Variants in ALK observed in about 807,000 individuals in gnomAD.
ALK encodes the protein ALK receptor tyrosine kinase.
In ALK, 74 loss-of-function variants were observed where a neutral mutation model predicts 163.1. That is an observed-to-expected ratio of 0.45 (90% CI 0.38 to 0.55). The LOEUF (loss-of-function observed/expected upper bound fraction) is 0.55, where lower values mean the gene tolerates loss of function less well. Ranked by LOEUF, ALK falls within the 20% of genes least tolerant of loss-of-function variation. The probability of loss-of-function intolerance (pLI) is 0.00; values close to 1 mark genes in which losing one functional copy is unlikely to be tolerated. For synonymous variants in ALK, 960 were observed against 843.2 expected (o/e 1.14, Z -2.40); for missense variants, 2,063 against 2,105.3 (o/e 0.98, Z 0.39).
intron 5 of ALK, among the ~76,000 whole-genome samples, chr2:29,340,626 T>C (rs146056815): frequency 2.6e-5 from 4 of 152,368 alleles, no homozygotes; most frequent in African/African-American, 9.6e-5. Context: ...GTGCTTACAA[T>C]GTTCTAGGTC....
At chr2:29,736,172 G>T (rs1019650173) in intron 1 of ALK, among the ~76,000 whole-genome samples, 1 of 151,870 alleles carries the variant, frequency 6.6e-6, no homozygotes, top group Non-Finnish European at 1.5e-5. Flanking sequence ...GTTTTCAAAG[G>T]GTTTTTGATA....
At chr2:29,389,923 C>T (rs1669122098) in intron 4 of ALK, among the ~76,000 whole-genome samples, 1 of 152,148 alleles carries the variant, frequency 6.6e-6, no homozygotes, top group Admixed American at 6.5e-5. Context: ...GAGTTCTCAA[C>T]TATGACAGTT....
At chr2:29,450,707 T>C (rs1670798469) in intron 4 of ALK, among the ~76,000 whole-genome samples, 2 of 152,142 alleles carry the variant, frequency 1.3e-5, no homozygotes, top group Admixed American at 1.3e-4. Flanking sequence ...AAAGGCATAA[T>C]GAGAGAGGAA....
chr2:29,371,720 C>G (rs969276471), intron 5 of ALK, among the ~76,000 whole-genome samples: 1 of 152,078 alleles, frequency 6.6e-6, no homozygotes, highest in African/African-American at 2.4e-5. Context: ...GAGATTGGAC[C>G]CCCTGCTAGT....
intron 1 of ALK, among the ~76,000 whole-genome samples, chr2:29,803,836 C>T (rs1664544207): frequency 6.6e-6 from 1 of 152,192 alleles, no homozygotes; most frequent in Non-Finnish European, 1.5e-5. Context: ...ATAAAAGACG[C>T]TGTTCTCCAT....
At chr2:29,439,217 A>T (rs1403888174) in intron 4 of ALK, among the ~76,000 whole-genome samples, 1 of 152,200 alleles carries the variant, frequency 6.6e-6, no homozygotes, top group Non-Finnish European at 1.5e-5. Flanking sequence ...CTGAAACAAC[A>T]TGTAGCTGCT....
intron 4 of ALK, among the ~76,000 whole-genome samples, chr2:29,472,059 A>G (rs970025948): frequency 6.6e-6 from 1 of 152,166 alleles, no homozygotes; most frequent in South Asian, 2.1e-4. Context: ...GATGACTTTC[A>G]AGGCAAGATC....
chr2:29,882,351 A>G (rs991234246), intron 1 of ALK, among the ~76,000 whole-genome samples: 7 of 152,248 alleles, frequency 4.6e-5, no homozygotes, highest in Non-Finnish European at 7.3e-5. Flanking sequence ...TAATGTCTCA[A>G]TATAAACCAT....
chr2:29,829,160 T>C (rs1331728190), intron 1 of ALK, among the ~76,000 whole-genome samples: 13 of 94,906 alleles, frequency 1.4e-4, no homozygotes, highest in African/African-American at 5.5e-4. Flanking sequence ...CACCAGGGCC[T>C]GTTGAGGGGT....
intron 12 of ALK, among the ~76,000 whole-genome samples, chr2:29,244,316 C>T (rs1057513330): frequency 1.3e-5 from 2 of 152,218 alleles, no homozygotes; most frequent in East Asian, 1.9e-4. Context: ...GTCTGTCCTA[C>T]CCACCCTGCA....
chr2:29,807,948 T>C (rs1664661766), intron 1 of ALK, among the ~76,000 whole-genome samples: 1 of 152,220 alleles, frequency 6.6e-6, no homozygotes, highest in South Asian at 2.1e-4. Context: ...TAGGTGCTGC[T>C]TCTCTGACAC....
chr2:29,611,375 C>G (rs891747968), intron 3 of ALK, among the ~76,000 whole-genome samples: 1 of 152,208 alleles, frequency 6.6e-6, no homozygotes, highest in Non-Finnish European at 1.5e-5. Flanking sequence ...CAAACATTTA[C>G]TATCTACTAT....
intron 3 of ALK, among the ~76,000 whole-genome samples, chr2:29,609,873 C>T (rs1478651582): frequency 1.3e-5 from 2 of 152,086 alleles, no homozygotes; most frequent in South Asian, 4.1e-4. Context: ...AACTCCTGGC[C>T]TCAAGTGACC....
In ALK at chr2:29,789,015, C is replaced by G. The variant is rs537960349; in HGVS notation, c.668-71318G>C. Among the ~76,000 whole-genome samples the G allele has an allele frequency of 1.2e-3, 154 of 125,488 alleles. 1 individual carries two copies. The highest frequency in any genetic ancestry group is 4.5e-3 in the Middle Eastern group (1 of 220). 82.3% of individuals were successfully genotyped at this position (125,488 alleles called of 152,430 possible). A position where few individuals can be genotyped will look rare whatever the true frequency, so the allele number is the denominator to read the frequency against. On this transcript the variant is annotated intron_variant, in intron 1 of 28. Coordinates refer to ENST00000389048, the MANE Select transcript of ALK (RefSeq NM_004304.5). Reference sequence around the variant, plus strand: ...TAAAAACATGCTCCATCCTGGTACACTGTGTGTGTGTGTGTGTGTGTGTGT... The same window carrying G: ...TAAAAACATGCTCCATCCTGGTACAGTGTGTGTGTGTGTGTGTGTGTGTGT...
chr2:29,786,844 T>A (rs1251544858), intron 1 of ALK, among the ~76,000 whole-genome samples: 1 of 151,962 alleles, frequency 6.6e-6, no homozygotes, highest in African/African-American at 2.4e-5. Flanking sequence ...CAGGCTGGAG[T>A]GCAACAGCAC....
At chr2:29,743,246 G>A (rs535826018) in intron 1 of ALK, among the ~76,000 whole-genome samples, 156 of 152,180 alleles carry the variant, frequency 1.0e-3, no homozygotes, top group African/African-American at 3.6e-3. Flanking sequence ...TCTTCTTCCC[G>A]CCAAAGCTTA....
chr2:29,687,743 C>T (rs1678280962), intron 3 of ALK, among the ~76,000 whole-genome samples: 1 of 152,066 alleles, frequency 6.6e-6, no homozygotes, highest in Non-Finnish European at 1.5e-5. Context: ...CAAACAATTT[C>T]TACTACACAC....
chr2:29,609,906 T>C (rs1675644377), intron 3 of ALK, among the ~76,000 whole-genome samples: 1 of 152,188 alleles, frequency 6.6e-6, no homozygotes, highest in Non-Finnish European at 1.5e-5. Context: ...TCCCACCAAG[T>C]GCTGGGATTA....
chr2:29,497,082 T>A (rs1419518797), intron 4 of ALK, among the ~76,000 whole-genome samples: 1 of 151,916 alleles, frequency 6.6e-6, no homozygotes, highest in African/African-American at 2.4e-5. Flanking sequence ...ACCAGCCTAG[T>A]CAACATGGTG....
Sources: allele counts gnomAD v4.1 joint callset (sites outside exome capture counted in the v4.1 genomes callset), GRCh38; gene constraint gnomAD v4.1.1; transcripts MANE v1.5; gene names NCBI Gene and HGNC (gene_info 2026-07-23, HGNC 2026-07-21).